PSCA: variants seen among roughly 807,000 people sequenced by gnomAD.
The protein encoded by PSCA is prostate stem cell antigen.
In PSCA, 7 loss-of-function variants were observed where a neutral mutation model predicts 7.9. The ratio of observed to expected loss-of-function variants is 0.89; its 90% confidence interval spans 0.51 to 1.67. The LOEUF (loss-of-function observed/expected upper bound fraction) is 1.67. Ranked by LOEUF, PSCA falls within the 40% of genes most tolerant of loss-of-function variation. The pLI is 0.00. For missense variants in PSCA, 151 were observed against 147.9 expected (o/e 1.02, Z -0.11); for synonymous variants, 61 against 68.3 (o/e 0.89, Z 0.53).
chr8:142,677,513 A>G (rs1252410965), upstream of PSCA, among the ~76,000 whole-genome samples: 1 of 152,188 alleles, frequency 6.6e-6, no homozygotes, highest in Non-Finnish European at 1.5e-5. Context: ...ACACACCTAT[A>G]AATATTTGAG....
upstream of PSCA, among the ~76,000 whole-genome samples, chr8:142,675,659 TCA>T (rs1317905693): frequency 1.3e-4 from 20 of 152,284 alleles, no homozygotes; most frequent in African/African-American, 4.8e-4. Context: ...GCATCCTCTC[TCA>T]CACTCTCACA....
chr8:142,682,328 G>T lies in PSCA; in HGVS notation c.*196G>T, dbSNP rs782782119. 4 of 739,684 alleles carry T rather than the reference G, an allele frequency of 5.4e-6. No homozygotes were observed. The South Asian group carries it at 5.9e-5, about 11-fold the overall frequency. 45.8% of individuals were successfully genotyped at this position (739,684 alleles called of 1,614,324 possible). ...CCCTCTCCAGGACTCCCACCCGGCA[G>T]ATCGGCTCTATTGACACAGATCCGC... On this transcript the variant is annotated 3_prime_UTR_variant, in exon 3 of 3. Transcript: ENST00000301258.
chr8:142,681,532 A>G, intron 2 of PSCA, 98 bp downstream of exon 2: 2 of 1,136,896 alleles, frequency 1.8e-6, no homozygotes, highest in Middle Eastern at 3.9e-4. Context: ...TTTTCCTTCC[A>G]CCTGTCCCCG....
At position 142,682,501 on chromosome 8, in the gene PSCA, C is replaced by T. The variant is rs111601858; in HGVS notation, c.*369C>T. ...TTGAGCCAGGTCTGGTCCGTGGTGT[C>T]CCCCGCACCCAGCAGGGGACAGGCA... On this transcript the variant is annotated 3_prime_UTR_variant, in exon 3 of 3. Coordinates refer to ENST00000301258, the MANE Select transcript of PSCA (RefSeq NM_005672.5). The T allele has an allele frequency of 3.8e-6, 2 of 520,450 alleles. No homozygotes were observed. Among genetic ancestry groups the T allele is most frequent in the Non-Finnish European group, 7.5e-6 (2 of 268,408 alleles). 32.2% of individuals were successfully genotyped at this position (520,450 alleles called of 1,614,324 possible).
At chr8:142,670,511 C>G (rs1847302540) in exon 1 of PSCA, 1 of 152,258 alleles carries the variant, frequency 6.6e-6, no homozygotes, top group Non-Finnish European at 1.5e-5. Context: ...CCAATCCATA[C>G]CCAATTTAGA....
At chr8:142,679,180 A>C (rs1353924146), upstream of PSCA, among the ~76,000 whole-genome samples, 9 of 152,180 alleles carry the variant, frequency 5.9e-5, no homozygotes, top group Non-Finnish European at 1.3e-4. Context: ...CGGAGAGGGG[A>C]TCTGGGGCAA....
In PSCA at chr8:142,673,642, G is replaced by T. The variant is rs960698235; in HGVS notation, n.261+3074G>T. Among the ~76,000 whole-genome samples the T allele has an allele frequency of 1.3e-5, 2 of 152,168 alleles. No individual in the cohort carries two copies. Among genetic ancestry groups the T allele is most frequent in the Non-Finnish European group, 2.9e-5 (2 of 68,034 alleles). On this transcript the variant is annotated intron_variant and non_coding_transcript_variant, in intron 1 of 1. Transcript: ENST00000505305. This position sits in a 1 kb window ranked among gnomAD's most constrained non-coding sequence, Gnocchi z 4.6. ...TTCGGACGCTAGGGTTTTTCAAGGA[G>T]AGTCTGGTGGGCCAGGGAATGGGTG...
Position 142,680,985 on chromosome 8 carries a change from C to T in PSCA, c.26-342C>T, listed in dbSNP as rs370473396. ...CTGCGAGGACCCGGGGGTCTACATC[C>T]GGCCCAGTCCCAGCACTGCAGCTTC... On this transcript the variant is annotated intron_variant, in intron 1 of 2. Coordinates refer to ENST00000301258, the MANE Select transcript of PSCA (RefSeq NM_005672.5). The T allele has an allele frequency of 1.4e-3, 625 of 446,106 alleles. 5 individuals are homozygous for T. Among genetic ancestry groups the T allele is most frequent in the African/African-American group, 0.011 (562 of 51,280 alleles). The allele number at this position is 446,106 out of a possible 1,614,324, so 27.6% of individuals were successfully genotyped here. A position where few individuals can be genotyped will look rare whatever the true frequency, so the allele number is the denominator to read the frequency against.
chr8:142,674,826 A>C (rs1554637688), intron 1 of PSCA, among the ~76,000 whole-genome samples: 1 of 151,910 alleles, frequency 6.6e-6, no homozygotes, highest in Non-Finnish European at 1.5e-5. Flanking sequence ...CCCCATCTCC[A>C]CCCACAGTCA....
rs1554638485 is a variant in PSCA at position 142,682,215 on chromosome 8, G to A, written c.*83G>A. 2.1e-6 allele frequency: 3 copies of A among 1,462,088 alleles called. No homozygotes were observed. Among genetic ancestry groups the A allele is most frequent in the Non-Finnish European group, 9.3e-7 (1 of 1,076,710 alleles). The allele number at this position is 1,462,088 out of a possible 1,614,324, so 90.6% of individuals were successfully genotyped here. A position where few individuals can be genotyped will look rare whatever the true frequency, so the allele number is the denominator to read the frequency against. ...ACTCCTCACACACCCGGCCCAGTGGGAGCCTGTCCTGGTTCCTGAGGCACA... is the reference window on the plus strand; with the variant it reads ...ACTCCTCACACACCCGGCCCAGTGGAAGCCTGTCCTGGTTCCTGAGGCACA... On this transcript the variant is annotated 3_prime_UTR_variant, in exon 3 of 3. Transcript: ENST00000301258.
intron 1 of PSCA, among the ~76,000 whole-genome samples, chr8:142,672,905 C>T (rs1170812798): frequency 1.3e-5 from 2 of 152,234 alleles, no homozygotes; most frequent in Non-Finnish European, 2.9e-5. Flanking sequence ...GGCTGGTCGC[C>T]CCACCCTAAT....
intron 1 of PSCA, chr8:142,681,006 G>A: frequency 2.2e-6 from 1 of 460,562 alleles, no homozygotes; most frequent in Non-Finnish European, 4.0e-6. Flanking sequence ...CAGCACTGCA[G>A]CTTCCAAGGG....
chr8:142,678,633 C>G (rs1399105142), upstream of PSCA, among the ~76,000 whole-genome samples: 3 of 152,128 alleles, frequency 2.0e-5, no homozygotes, highest in Non-Finnish European at 4.4e-5. Flanking sequence ...GGGCCATAGC[C>G]ACTGCCACCA....
At chr8:142,680,469 T>A, upstream of PSCA, 1 of 1,537,366 alleles carries the variant, frequency 6.5e-7, no homozygotes, top group Non-Finnish European at 8.8e-7. Context: ...TGAGGCCATA[T>A]AAAGTCACCT....
chr8:142,678,431 C>T (rs1454158037), upstream of PSCA, among the ~76,000 whole-genome samples: 1 of 152,208 alleles, frequency 6.6e-6, no homozygotes, highest in South Asian at 2.1e-4. Flanking sequence ...AACTCAGGGT[C>T]CATGTACAAA....
At chr8:142,675,496 G>C (rs1179825396), upstream of PSCA, among the ~76,000 whole-genome samples, 1 of 152,206 alleles carries the variant, frequency 6.6e-6, no homozygotes, top group Non-Finnish European at 1.5e-5. Flanking sequence ...GGGGCTCCAA[G>C]CTGCACAGCC....
In PSCA at chr8:142,673,912, G is replaced by C. The variant is rs1034951062; in HGVS notation, n.261+3344G>C. The stretch of plus-strand genomic sequence containing the variant: ...GTCCCTGGAATAACGGCTGGGAGTC[G>C]TTTCAGTCTAACCTCAGCAGAGCTC... On this transcript the variant is annotated intron_variant and non_coding_transcript_variant, in intron 1 of 1. Transcript: ENST00000505305. The surrounding 1 kb of genome is among the most constrained non-coding windows in gnomAD (Gnocchi z 4.6). Among the ~76,000 whole-genome samples, 1 of 152,164 alleles carries C rather than the reference G, an allele frequency of 6.6e-6. No individual in the cohort carries two copies. Among genetic ancestry groups the C allele is most frequent in the Non-Finnish European group, 1.5e-5 (1 of 68,044 alleles).
chr8:142,676,881 C>A (rs1231155547), upstream of PSCA, among the ~76,000 whole-genome samples: 1 of 152,236 alleles, frequency 6.6e-6, no homozygotes, highest in Non-Finnish European at 1.5e-5. Flanking sequence ...GGAAGCCATG[C>A]CCCTTGTGGC....
intron 1 of PSCA, among the ~76,000 whole-genome samples, chr8:142,674,981 T>C (rs896048624): frequency 6.6e-6 from 1 of 152,238 alleles, no homozygotes; most frequent in African/African-American, 2.4e-5. Flanking sequence ...TCATCCCCCG[T>C]GCCTGCTATT....
Sources: allele counts gnomAD v4.1 joint callset (sites outside exome capture counted in the v4.1 genomes callset), GRCh38; gene constraint gnomAD v4.1.1; non-coding constraint Gnocchi (gnomAD v3.1); transcripts MANE v1.5; gene names NCBI Gene and HGNC (gene_info 2026-07-23, HGNC 2026-07-21).